Variants in RPS6KC1 observed in about 807,000 individuals in gnomAD.
RPS6KC1 encodes inactive ribosomal protein S6 kinase delta-1.
A neutral mutation model predicts 103.8 loss-of-function variants in RPS6KC1; 54 were observed. The ratio of observed to expected loss-of-function variants is 0.52; its 90% CI spans 0.42 to 0.65. The LOEUF is 0.65. Among genes scored for constraint, RPS6KC1 ranks in the 30% least tolerant of loss-of-function variants. RPS6KC1 has a pLI of 0.00. For synonymous variants in RPS6KC1, 439 were observed against 438.7 expected (o/e 1.00, Z -0.01); for missense variants, 1,151 against 1,253.8 (o/e 0.92, Z 1.24).
At chr1:213,571,144 T>C in the RPS6KC1 span, among the ~76,000 whole-genome samples, 1 of 152,232 alleles carries the variant, frequency 6.6e-6, no homozygotes, top group South Asian at 2.1e-4. Flanking sequence ...AAATATTAAA[T>C]AGAAATACCT....
At chr1:213,165,834 G>A (rs777023549) in intron 6 of RPS6KC1, among the ~76,000 whole-genome samples, 5 of 152,184 alleles carry the variant, frequency 3.3e-5, no homozygotes, top group Admixed American at 6.5e-5. Flanking sequence ...TGGGATTATA[G>A]GCACGAGCCA....
intron 8 of RPS6KC1, among the ~76,000 whole-genome samples, chr1:213,181,973 T>C (rs1331708770): frequency 6.6e-6 from 1 of 152,178 alleles, no homozygotes; most frequent in African/African-American, 2.4e-5. Flanking sequence ...TTATCTTTTA[T>C]GGTTGAAGCA....
the RPS6KC1 span, among the ~76,000 whole-genome samples, chr1:213,529,112 A>G: frequency 6.6e-6 from 1 of 152,188 alleles, no homozygotes; most frequent in African/African-American, 2.4e-5. Flanking sequence ...AGAGACCGAC[A>G]TGAATCAATT....
At chr1:213,129,993 G>A in intron 6 of RPS6KC1, 104 bp downstream of exon 6, 3 of 1,130,016 alleles carry the variant, frequency 2.7e-6, no homozygotes, top group Non-Finnish European at 3.7e-6. Flanking sequence ...AAATAATACT[G>A]AAAATGAGAA....
the RPS6KC1 span, among the ~76,000 whole-genome samples, chr1:213,549,229 C>T: frequency 2.6e-5 from 4 of 152,088 alleles, no homozygotes; most frequent in Non-Finnish European, 5.9e-5. Flanking sequence ...AGGCAGGGAC[C>T]CCTCAAGCAA....
At chr1:213,411,712 T>G in the RPS6KC1 span, among the ~76,000 whole-genome samples, 4 of 152,166 alleles carry the variant, frequency 2.6e-5, no homozygotes, top group Admixed American at 2.0e-4. Flanking sequence ...GCTATCAGGC[T>G]GAAGTGGTCA....
At chr1:213,779,837 C>G in the RPS6KC1 span, among the ~76,000 whole-genome samples, 1 of 152,216 alleles carries the variant, frequency 6.6e-6, no homozygotes, top group Admixed American at 6.5e-5. Flanking sequence ...TTCTTTTTCT[C>G]AAATATAGAG....
rs772669621 is a variant in RPS6KC1, at chr1:213,241,817, G to A, written c.2341G>A (p.Val781Ile). 1.1e-5 allele frequency: 17 copies of A among 1,613,806 alleles called. No individual in the cohort carries two copies. In the South Asian group the frequency reaches 1.8e-4, roughly 17 times the overall value. ...EDPRMLFVAA[V>I]DHSSSGDMSL... The stretch of plus-strand genomic sequence containing the variant: ...TCCCAGGATGTTATTTGTAGCAGCT[G>A]TTGATCATAGTAGTTCAGGAGATAT... Residue 781 changes from valine to isoleucine, a missense_variant, in exon 11 of 15, where the codon GTT becomes ATT. Val to Ile is a conservative substitution (Grantham distance 29, BLOSUM62 3). Around this residue, in one of 3 missense-constraint regions of RPS6KC1, gnomAD observed 959 missense variants for 1,006.3 expected, o/e 0.95. Coordinates refer to ENST00000366960, the MANE Select transcript of RPS6KC1 (RefSeq NM_012424.6).
At chr1:213,715,410 A>G in the RPS6KC1 span, among the ~76,000 whole-genome samples, 639 of 152,298 alleles carry the variant, frequency 4.2e-3, 16 homozygotes, top group East Asian at 0.076. Context: ...ATGGTTCTCT[A>G]TATATGTCAG....
chr1:213,278,397 A>G (rs777989333), downstream of RPS6KC1, among the ~76,000 whole-genome samples: 8 of 152,262 alleles, frequency 5.3e-5, no homozygotes, highest in East Asian at 3.9e-4. Context: ...AATTGATCCA[A>G]TGGAAAACAA....
chr1:213,544,606 C>A, the RPS6KC1 span, among the ~76,000 whole-genome samples: 3 of 152,070 alleles, frequency 2.0e-5, no homozygotes. Flanking sequence ...ATAGGTTATC[C>A]TTGCACACCA....
At chr1:213,150,855 G>A (rs953102203) in intron 6 of RPS6KC1, among the ~76,000 whole-genome samples, 2 of 152,160 alleles carry the variant, frequency 1.3e-5, no homozygotes, top group Admixed American at 6.5e-5. Context: ...GGTGGTGGCC[G>A]GGCAGAGGGG....
At chr1:213,215,997 C>T (rs1352401016) in intron 8 of RPS6KC1, among the ~76,000 whole-genome samples, 1 of 152,174 alleles carries the variant, frequency 6.6e-6, no homozygotes, top group East Asian at 1.9e-4. Context: ...CAGCTAACAT[C>T]ATAATGACAG....
At chr1:213,349,868 A>G in the RPS6KC1 span, among the ~76,000 whole-genome samples, 1 of 152,214 alleles carries the variant, frequency 6.6e-6, no homozygotes, top group East Asian at 1.9e-4. Context: ...GGAATTATTA[A>G]CATTTCTGTT....
At chr1:213,319,292 G>GACA in the RPS6KC1 span, among the ~76,000 whole-genome samples, 7,346 of 116,390 alleles carry the variant, frequency 0.063, 338 homozygotes, top group Admixed American at 0.22. Context: ...CAGCTTAGGT[G>GACA]ACAGAGCGAG....
At chr1:213,860,433 A>G in the RPS6KC1 span, among the ~76,000 whole-genome samples, 3 of 151,974 alleles carry the variant, frequency 2.0e-5, no homozygotes, top group African/African-American at 7.2e-5. Flanking sequence ...AGCAGAAGTG[A>G]GAAATACCAT....
chr1:213,364,317 C>T, the RPS6KC1 span, among the ~76,000 whole-genome samples: 199 of 152,274 alleles, frequency 1.3e-3, no homozygotes, highest in African/African-American at 2.8e-3. Flanking sequence ...TCACAAATTG[C>T]GGTACAGCAC....
At chr1:213,522,668 C>A in the RPS6KC1 span, among the ~76,000 whole-genome samples, 3 of 152,352 alleles carry the variant, frequency 2.0e-5, no homozygotes, top group East Asian at 5.8e-4. Flanking sequence ...AACAACAGCA[C>A]TTGCTGCTTC....
the RPS6KC1 span, among the ~76,000 whole-genome samples, chr1:213,613,437 A>T: frequency 1.3e-5 from 2 of 152,210 alleles, no homozygotes; most frequent in African/African-American, 4.8e-5. Context: ...AACACTTAAG[A>T]CACATTGAGG....
Sources: gnomAD v4.1 joint callset for allele counts (sites outside exome capture counted in the v4.1 genomes callset) on GRCh38, gnomAD v4.1.1 for gene constraint, gnomAD v4.1.1 regional missense constraint, MANE v1.5 for transcripts, NCBI Gene and HGNC (gene_info 2026-07-23, HGNC 2026-07-21) for gene names.